Variants in NRG3 observed in about 807,000 individuals in gnomAD.
The protein encoded by NRG3 is neuregulin 3.
Under a neutral mutation model 66.9 loss-of-function variants are expected in NRG3, and 31 were observed. The ratio of observed to expected loss-of-function variants is 0.46; its 90% CI spans 0.35 to 0.63. The LOEUF (loss-of-function observed/expected upper bound fraction) is 0.63. Among genes scored for constraint, NRG3 ranks in the 20% least tolerant of loss-of-function variants. The probability of loss-of-function intolerance (pLI) is 0.00; values close to 1 mark genes in which losing one functional copy is unlikely to be tolerated. For missense variants in NRG3, 910 were observed against 878.9 expected (o/e 1.04, Z -0.45); for synonymous variants, 393 against 359.4 (o/e 1.09, Z -1.06).
At chr10:82,378,402 C>G (rs1162274741) in intron 2 of NRG3, among the ~76,000 whole-genome samples, 1 of 152,172 alleles carries the variant, frequency 6.6e-6, no homozygotes, top group East Asian at 1.9e-4. Context: ...TCACTTTCAC[C>G]ATGTGGCAAT....
chr10:82,274,975 G>T (rs1304231995), intron 1 of NRG3, among the ~76,000 whole-genome samples: 1 of 151,910 alleles, frequency 6.6e-6, no homozygotes, highest in Non-Finnish European at 1.5e-5. Flanking sequence ...TCTGAACTCA[G>T]TTTTCTTGGA....
chr10:81,965,298 A>G (rs561953864), intron 1 of NRG3, among the ~76,000 whole-genome samples: 3 of 152,196 alleles, frequency 2.0e-5, no homozygotes, highest in Non-Finnish European at 2.9e-5. Flanking sequence ...CCATCTTTCT[A>G]TCTACTACTT....
At chr10:82,708,190 G>A (rs769576422) in intron 2 of NRG3, among the ~76,000 whole-genome samples, 8 of 151,872 alleles carry the variant, frequency 5.3e-5, no homozygotes, top group Non-Finnish European at 8.8e-5. Context: ...TGGGATTACT[G>A]TGAAGCATAT....
chr10:82,765,092 G>T (rs1174196851), intron 3 of NRG3, among the ~76,000 whole-genome samples: 1 of 152,100 alleles, frequency 6.6e-6, no homozygotes, highest in African/African-American at 2.4e-5. Flanking sequence ...TTTGGAAAGG[G>T]TTTGAACTAT....
chr10:82,601,559 T>G (rs1157384119), intron 2 of NRG3, among the ~76,000 whole-genome samples: 6 of 152,174 alleles, frequency 3.9e-5, no homozygotes, highest in Admixed American at 3.9e-4. Context: ...CCATCTTACC[T>G]CTACTGGCAA....
intron 1 of NRG3, among the ~76,000 whole-genome samples, chr10:82,207,491 G>A (rs2075176854): frequency 6.6e-6 from 1 of 152,126 alleles, no homozygotes; most frequent in African/African-American, 2.4e-5. Flanking sequence ...CATGTAAAGT[G>A]TTTATAATGG....
chr10:81,886,454 C>T (rs1276107989), intron 1 of NRG3, among the ~76,000 whole-genome samples: 1 of 152,088 alleles, frequency 6.6e-6, no homozygotes, highest in African/African-American at 2.4e-5. Context: ...GCTTCTTCTA[C>T]TTGACAAAGT....
At chr10:82,250,196 C>T (rs1219924405) in intron 1 of NRG3, among the ~76,000 whole-genome samples, 1 of 152,048 alleles carries the variant, frequency 6.6e-6, no homozygotes, top group Non-Finnish European at 1.5e-5. Flanking sequence ...GACAGGACAA[C>T]TAAAATATGC....
chr10:82,136,769 C>A (rs1368892624), intron 1 of NRG3, among the ~76,000 whole-genome samples: 1 of 152,142 alleles, frequency 6.6e-6, no homozygotes, highest in African/African-American at 2.4e-5. Context: ...TGACTCCCCT[C>A]TGGCTAGGGC....
intron 1 of NRG3, among the ~76,000 whole-genome samples, chr10:81,976,986 C>T (rs987229642): frequency 2.6e-5 from 4 of 152,110 alleles, no homozygotes; most frequent in Non-Finnish European, 1.5e-5. Context: ...CTCATAATAC[C>T]AGTTTCTAGG....
At chr10:82,077,911 G>C (rs1192593366) in intron 1 of NRG3, among the ~76,000 whole-genome samples, 1 of 152,152 alleles carries the variant, frequency 6.6e-6, no homozygotes, top group Non-Finnish European at 1.5e-5. Context: ...CAGGTATACA[G>C]CTAAGAGGCA....
At chr10:82,041,708 A>G (rs1026856073) in intron 1 of NRG3, among the ~76,000 whole-genome samples, 5 of 151,836 alleles carry the variant, frequency 3.3e-5, no homozygotes, top group East Asian at 1.9e-4. Flanking sequence ...ACAAAGATCT[A>G]TGTCTTTCTC....
In NRG3 at chr10:82,872,732, G is replaced by GAA. The variant is rs11395934; in HGVS notation, c.1054+7305_1054+7306dup. 7.1e-4 allele frequency among the ~76,000 whole-genome samples: 104 copies of GAA among 145,820 alleles called. No homozygotes were observed. In the South Asian group the frequency reaches 0.012, roughly 16 times the overall value. On this transcript the variant is annotated intron_variant, in intron 4 of 8. Transcript: ENST00000372141. ...AAAAAGTTTAGGCAAGATACGATAT[G>GAA]AAAAAAAAAAAGAAAGCAATTGAAT...
intron 3 of NRG3, among the ~76,000 whole-genome samples, chr10:82,850,546 C>T (rs1340698739): frequency 6.6e-6 from 1 of 152,090 alleles, no homozygotes; most frequent in Admixed American, 6.6e-5. Context: ...ACTGAATTGA[C>T]ACCAAATAAA....
intron 1 of NRG3, among the ~76,000 whole-genome samples, chr10:81,882,205 C>T (rs747998062): frequency 6.6e-6 from 1 of 152,164 alleles, no homozygotes; most frequent in African/African-American, 2.4e-5. Flanking sequence ...TTTCCTTGAG[C>T]TTGGCCTGGT....
At chr10:81,921,875 T>C (rs1589462591) in intron 1 of NRG3, among the ~76,000 whole-genome samples, 2 of 152,148 alleles carry the variant, frequency 1.3e-5, no homozygotes, top group East Asian at 3.8e-4. Context: ...ATTTGAGAAG[T>C]AGGTTCTTTG....
intron 1 of NRG3, among the ~76,000 whole-genome samples, chr10:82,089,182 C>T (rs2065889894): frequency 6.6e-6 from 1 of 151,634 alleles, no homozygotes; most frequent in Non-Finnish European, 1.5e-5. Context: ...TAAAAGATTG[C>T]CATATTACTG....
chr10:82,629,298 T>G (rs1201813488), intron 2 of NRG3, among the ~76,000 whole-genome samples: 1 of 152,216 alleles, frequency 6.6e-6, no homozygotes, highest in Non-Finnish European at 1.5e-5. Context: ...CTATAATGAC[T>G]TAAATAAGTT....
intron 4 of NRG3, among the ~76,000 whole-genome samples, chr10:82,895,486 CT>C (rs57655284): frequency 0.011 from 1,353 of 128,294 alleles, 20 homozygotes; most frequent in African/African-American, 0.036. Flanking sequence ...CAATAACATT[CT>C]TTTTTTTTTT....
Sources: allele counts gnomAD v4.1 joint callset (sites outside exome capture counted in the v4.1 genomes callset), GRCh38; gene constraint gnomAD v4.1.1; transcripts MANE v1.5; gene names NCBI Gene and HGNC (gene_info 2026-07-23, HGNC 2026-07-21).